The following FNIP1 variants were observed in gnomAD, a reference collection of about 807,000 sequenced individuals.
FNIP1 encodes folliculin interacting protein 1, also known as folliculin-interacting protein 1.
In FNIP1, 40 loss-of-function variants were observed where a neutral mutation model predicts 124.5. The observed-to-expected ratio is 0.32, with a 90% CI of 0.25 to 0.42. FNIP1 has a LOEUF of 0.42. Ranked by LOEUF, FNIP1 falls within the 10% of genes least tolerant of loss-of-function variation. The pLI, the probability that FNIP1 is intolerant of heterozygous loss-of-function variation, is 1.00. For synonymous variants in FNIP1, 472 were observed against 470.6 expected (o/e 1.00, Z -0.04); for missense variants, 1,176 against 1,403.7 (o/e 0.84, Z 2.59).
chr5:131,697,968 C>CA (rs753487190), intron 11 of FNIP1, among the ~76,000 whole-genome samples: 6,981 of 58,138 alleles, frequency 0.12, 386 homozygotes, highest in African/African-American at 0.15. Flanking sequence ...GACTCCACCT[C>CA]AAAAAAAAAA....
Position 131,672,389 on chromosome 5 carries a change from T to C in FNIP1, c.2055A>G (p.Gly685=). The C allele has an allele frequency of 6.2e-7, 1 of 1,614,172 alleles. No homozygotes were observed. The highest frequency in any genetic ancestry group is 8.5e-7 in the Non-Finnish European group (1 of 1,180,040). Residue 685 remains glycine, a synonymous_variant, in exon 14 of 18, where the codon GGA becomes GGG. Coordinates refer to ENST00000510461, the MANE Select transcript of FNIP1 (RefSeq NM_133372.3). The part of the protein sequence containing the change: ...DAKLETVVCT[G]SVPVDKCALS... ...ATGCACATTTGTCTACTGGAACAGATCCTGTGCAAACAACTGTCTCTAACT... is the reference window on the plus strand; with the variant it reads ...ATGCACATTTGTCTACTGGAACAGACCCTGTGCAAACAACTGTCTCTAACT...
At chr5:131,759,675 C>T (rs1031085377) in intron 1 of FNIP1, among the ~76,000 whole-genome samples, 2 of 152,276 alleles carry the variant, frequency 1.3e-5, no homozygotes, top group South Asian at 4.1e-4. Context: ...CTGTGGAAAG[C>T]AGTTTGGAGA....
rs182471071 is a variant in FNIP1, at chr5:131,704,390, T to C, written c.915-124A>G. On this transcript the variant is annotated intron_variant, in intron 9 of 17. Transcript: ENST00000510461. ...TGTTTTATCAAACAAACCTATAATT[T>C]CATACCAATTGTATATCTCTTTAAG... 1.4e-5 allele frequency: 10 copies of C among 733,002 alleles called. No individual in the cohort carries two copies. The Admixed American group carries it at 3.1e-4, about 23-fold the overall frequency. The allele number at this position is 733,002 out of a possible 1,614,324, so 45.4% of individuals were successfully genotyped here. A position where few individuals can be genotyped will look rare whatever the true frequency, so the allele number is the denominator to read the frequency against.
chr5:131,751,214 C>T (rs1033754182), intron 1 of FNIP1, among the ~76,000 whole-genome samples: 6 of 152,232 alleles, frequency 3.9e-5, no homozygotes, highest in Admixed American at 2.6e-4. Context: ...ATGTCTTCTA[C>T]CTGAAATATT....
chr5:131,776,664 A>G (rs777052650), intron 1 of FNIP1, among the ~76,000 whole-genome samples: 1 of 152,220 alleles, frequency 6.6e-6, no homozygotes, highest in Non-Finnish European at 1.5e-5. Context: ...TCCACATCAC[A>G]TATACTAAAA....
chr5:131,739,674 G>A (rs1263695506), intron 2 of FNIP1, among the ~76,000 whole-genome samples: 6 of 151,908 alleles, frequency 3.9e-5, no homozygotes, highest in East Asian at 1.9e-4. Context: ...TTAGCCGGGC[G>A]TGGTGGCCGG....
chr5:131,792,624 C>T (rs1181175826), intron 1 of FNIP1, among the ~76,000 whole-genome samples: 1 of 152,136 alleles, frequency 6.6e-6, no homozygotes. Context: ...CATCTCTAGT[C>T]CAAAATTTTT....
chr5:131,722,069 T>A (rs998967612), intron 3 of FNIP1, among the ~76,000 whole-genome samples: 3 of 152,176 alleles, frequency 2.0e-5, no homozygotes, highest in Non-Finnish European at 4.4e-5. Context: ...ATAGGAGATT[T>A]AGAATAATTT....
intron 11 of FNIP1, among the ~76,000 whole-genome samples, chr5:131,690,251 A>G (rs933841549): frequency 2.0e-5 from 3 of 152,020 alleles, no homozygotes; most frequent in Non-Finnish European, 2.9e-5. Flanking sequence ...AATAAGATAA[A>G]ATAAAATAAA....
At chr5:131,794,718 A>G (rs1459569660) in intron 1 of FNIP1, among the ~76,000 whole-genome samples, 1 of 152,226 alleles carries the variant, frequency 6.6e-6, no homozygotes, top group Non-Finnish European at 1.5e-5. Context: ...GGATCCCTTG[A>G]GCCCAGGAGG....
chr5:131,649,353 C>T (rs1766979143), intron 16 of FNIP1, among the ~76,000 whole-genome samples: 1 of 152,116 alleles, frequency 6.6e-6, no homozygotes, highest in South Asian at 2.1e-4. Context: ...CATAGTCATC[C>T]TTACAGGTAT....
At position 131,706,530 on chromosome 5, in the gene FNIP1, C is replaced by A. The variant is rs779161611; in HGVS notation, c.795G>T (p.Leu265Phe). Reference protein sequence around the residue: ...GIARSASLSSLLITPFPSPNS... With the variant: ...GIARSASLSSFLITPFPSPNS... ...TTGGGGAAGGAAATGGAGTGATCAG[C>A]AAGCTGCTGAGAGATGCTGTTAAGT... The change falls in exon 9 of 18, where the codon TTG becomes TTT. Residue 265 changes from leucine (L) to phenylalanine (F), a missense_variant. Around this residue, in one of 2 missense-constraint regions of FNIP1, gnomAD observed 1,109 missense variants for 1,288.5 expected, o/e 0.86. Coordinates refer to ENST00000510461, the MANE Select transcript of FNIP1 (RefSeq NM_133372.3). The A allele has an allele frequency of 1.2e-6, 2 of 1,603,362 alleles. No homozygotes were observed. The highest frequency in any genetic ancestry group is 8.5e-7 in the Non-Finnish European group (1 of 1,174,462).
chr5:131,670,715 TG>T, intron 14 of FNIP1, 84 bp from the exon 15 acceptor site: 1 of 1,030,630 alleles, frequency 9.7e-7, no homozygotes, highest in African/African-American at 1.6e-5. Context: ...GAATTCTACT[TG>T]TCCATATTTT....
At chr5:131,760,133 T>TA (rs1580816512) in intron 1 of FNIP1, among the ~76,000 whole-genome samples, 1 of 152,182 alleles carries the variant, frequency 6.6e-6, no homozygotes, top group East Asian at 1.9e-4. Context: ...TATTGAGTAC[T>TA]ATGCTCACTA....
rs138785116 is a variant in FNIP1 at position 131,735,787 on chromosome 5, A to C, written c.220-4749T>G. Among the ~76,000 whole-genome samples the C allele has an allele frequency of 1.6e-3, 245 of 151,240 alleles. No homozygotes were observed. The East Asian group carries it at 0.024, about 15-fold the overall frequency. On this transcript the variant is annotated intron_variant, in intron 2 of 17. Transcript: ENST00000510461. ...TTTGTTTAAGGGGAAGAAAAACCCT[A>C]CCTAACAACACTTAAGGGAATGTGT...
chr5:131,702,469 C>T (rs1305862739), intron 10 of FNIP1, among the ~76,000 whole-genome samples: 1 of 152,024 alleles, frequency 6.6e-6, no homozygotes, highest in African/African-American at 2.4e-5. Context: ...GCACAATATG[C>T]ATAAAAAAGG....
intron 1 of FNIP1, among the ~76,000 whole-genome samples, chr5:131,768,029 A>C (rs1333698722): frequency 6.6e-6 from 1 of 152,192 alleles, no homozygotes; most frequent in Non-Finnish European, 1.5e-5. Flanking sequence ...AGGGATAGTC[A>C]GCTGCTTGGC....
chr5:131,755,294 G>A (rs1238783782), intron 1 of FNIP1, among the ~76,000 whole-genome samples: 3 of 151,888 alleles, frequency 2.0e-5, no homozygotes, highest in African/African-American at 4.8e-5. Context: ...GATGGTGGGC[G>A]CCTGTAATTC....
intron 2 of FNIP1, among the ~76,000 whole-genome samples, chr5:131,735,170 G>T (rs918424089): frequency 1.3e-5 from 2 of 152,132 alleles, no homozygotes; most frequent in Non-Finnish European, 2.9e-5. Flanking sequence ...GGACACGGAT[G>T]AAGCTGGAAA....
Sources: allele counts gnomAD v4.1 joint callset (sites outside exome capture counted in the v4.1 genomes callset), GRCh38; gene constraint gnomAD v4.1.1; regional missense constraint gnomAD v4.1.1; transcripts MANE v1.5; gene names NCBI Gene and HGNC (gene_info 2026-07-23, HGNC 2026-07-21).